Variants in PLXNA2 observed in about 807,000 individuals in gnomAD.
PLXNA2 encodes plexin-A2.
A neutral mutation model predicts 193.5 loss-of-function variants in PLXNA2; 91 were observed. The ratio of observed to expected loss-of-function variants is 0.47; its 90% CI spans 0.40 to 0.56. The LOEUF (loss-of-function observed/expected upper bound fraction) is 0.56. Ranked by LOEUF, PLXNA2 falls within the 20% of genes least tolerant of loss-of-function variation. The probability of loss-of-function intolerance (pLI) is 0.00; values close to 1 mark genes in which losing one functional copy is unlikely to be tolerated. For synonymous variants in PLXNA2, 997 were observed against 1,027.3 expected (o/e 0.97, Z 0.56); for missense variants, 1,995 against 2,503.2 (o/e 0.80, Z 4.33).
At chr1:208,055,405 C>T (rs138043374) in intron 13 of PLXNA2, among the ~76,000 whole-genome samples, 2,160 of 152,086 alleles carry the variant, frequency 0.014, 37 homozygotes, top group Middle Eastern at 0.061. Context: ...GGGTGGGCAG[C>T]TGAGGATGGG....
chr1:208,141,511 T>G (rs1668454497), intron 4 of PLXNA2, among the ~76,000 whole-genome samples: 1 of 152,190 alleles, frequency 6.6e-6, no homozygotes, highest in South Asian at 2.1e-4. Flanking sequence ...TCTTTGGCCT[T>G]TATTTTACTT....
chr1:208,143,770 G>T (rs560571894), intron 3 of PLXNA2, among the ~76,000 whole-genome samples: 1 of 151,788 alleles, frequency 6.6e-6, no homozygotes, highest in African/African-American at 2.4e-5. Flanking sequence ...ATAATCAATT[G>T]ATTTGTTCAT....
At chr1:208,110,550 A>G (rs1667430638) in intron 4 of PLXNA2, among the ~76,000 whole-genome samples, 1 of 152,248 alleles carries the variant, frequency 6.6e-6, no homozygotes, top group Non-Finnish European at 1.5e-5. Context: ...GCATGTATCC[A>G]GTATTTACCG....
chr1:208,113,477 C>T (rs1485392154), intron 4 of PLXNA2, among the ~76,000 whole-genome samples: 4 of 151,992 alleles, frequency 2.6e-5, no homozygotes, highest in African/African-American at 9.7e-5. Flanking sequence ...ACTTCCCTTG[C>T]CTTCCAGTCT....
At chr1:208,101,159 GC>G (rs1318923439) in intron 5 of PLXNA2, among the ~76,000 whole-genome samples, 2 of 152,206 alleles carry the variant, frequency 1.3e-5, no homozygotes. Flanking sequence ...ACTATTTATG[GC>G]AACAGCCCTA....
At chr1:208,191,033 G>C (rs562013245) in intron 3 of PLXNA2, among the ~76,000 whole-genome samples, 75 of 152,334 alleles carry the variant, frequency 4.9e-4, no homozygotes, top group African/African-American at 1.7e-3. Context: ...TATGAGCTAA[G>C]TGAGGCTAAA....
intron 4 of PLXNA2, among the ~76,000 whole-genome samples, chr1:208,126,299 C>T (rs1478748742): frequency 6.6e-6 from 1 of 152,074 alleles, no homozygotes; most frequent in Non-Finnish European, 1.5e-5. Flanking sequence ...TCTGGCTCCC[C>T]CATGAGGAAA....
intron 11 of PLXNA2, 104 bp from the exon 12 acceptor site, chr1:208,079,554 T>C: frequency 1.3e-6 from 1 of 786,190 alleles, no homozygotes; most frequent in South Asian, 1.8e-5. Context: ...TTCCCCACCA[T>C]GGATAACACC....
chr1:208,111,231 AT>A (rs991622667), intron 4 of PLXNA2, among the ~76,000 whole-genome samples: 5 of 151,976 alleles, frequency 3.3e-5, no homozygotes, highest in African/African-American at 1.2e-4. Context: ...ATTTAATTTA[AT>A]TTAATTTATT....
chr1:208,182,915 A>G (rs1217286195), intron 3 of PLXNA2, among the ~76,000 whole-genome samples: 1 of 152,158 alleles, frequency 6.6e-6, no homozygotes, highest in African/African-American at 2.4e-5. Context: ...AAGATCAGAA[A>G]AAGGAATAGC....
chr1:208,152,675 A>ACACATG (rs1553288557), intron 3 of PLXNA2, among the ~76,000 whole-genome samples: 1 of 114,726 alleles, frequency 8.7e-6, no homozygotes, highest in East Asian at 2.2e-4. Flanking sequence ...ACATACACAC[A>ACACATG]CACACACGCA....
At chr1:208,139,375 T>A (rs1442908180) in intron 4 of PLXNA2, among the ~76,000 whole-genome samples, 1 of 152,136 alleles carries the variant, frequency 6.6e-6, no homozygotes. Flanking sequence ...CCCTGCCCCC[T>A]CTTCATCACA....
At chr1:208,197,621 A>G (rs537385315) in intron 3 of PLXNA2, among the ~76,000 whole-genome samples, 3 of 152,196 alleles carry the variant, frequency 2.0e-5, no homozygotes, top group Admixed American at 6.5e-5. Flanking sequence ...TGGGCCCATC[A>G]GTAGGAGTTT....
intron 11 of PLXNA2, among the ~76,000 whole-genome samples, chr1:208,080,404 G>A (rs1666296236): frequency 6.6e-6 from 1 of 152,160 alleles, no homozygotes; most frequent in Non-Finnish European, 1.5e-5. Flanking sequence ...CAGGAACCTG[G>A]TCTTAGCTCC....
chr1:208,159,047 G>A (rs943803482), intron 3 of PLXNA2, among the ~76,000 whole-genome samples: 1 of 152,228 alleles, frequency 6.6e-6, no homozygotes, highest in African/African-American at 2.4e-5. Flanking sequence ...CCACAGGCTA[G>A]CTGGGCGATG....
chr1:208,086,079 T>C (rs1297792212), intron 9 of PLXNA2, among the ~76,000 whole-genome samples: 1 of 152,220 alleles, frequency 6.6e-6, no homozygotes, highest in Admixed American at 6.5e-5. Context: ...TGCACTGGCT[T>C]CAGGATGAGT....
At chr1:208,201,883 A>G (rs1235545635) in intron 3 of PLXNA2, among the ~76,000 whole-genome samples, 5 of 151,780 alleles carry the variant, frequency 3.3e-5, no homozygotes, top group Non-Finnish European at 7.4e-5. Flanking sequence ...TTTCCTTAGC[A>G]CTTATCACCC....
chr1:208,165,386 A>G (rs1226304772), intron 3 of PLXNA2, among the ~76,000 whole-genome samples: 1 of 152,112 alleles, frequency 6.6e-6, no homozygotes, highest in African/African-American at 2.4e-5. Flanking sequence ...TGAGGTGAGG[A>G]TTACTACCCC....
chr1:208,160,213 A>AC lies in PLXNA2; in HGVS notation c.1372-17751dup, dbSNP rs5780437. ...GTCCCTTCTTCCCTTCATTAGTACA[A>AC]CCCCCCCCGCCCAGAAGTAGAAAGG... On this transcript the variant is annotated intron_variant, in intron 3 of 31. Transcript: ENST00000367033. Among the ~76,000 whole-genome samples the AC allele has an allele frequency of 6.3e-3, 955 of 150,622 alleles. 12 individuals carry two copies. The highest frequency in any genetic ancestry group is 0.02 in the African/African-American group (818 of 40,928).
Sources: allele counts gnomAD v4.1 joint callset (sites outside exome capture counted in the v4.1 genomes callset), GRCh38; gene constraint gnomAD v4.1.1; transcripts MANE v1.5; gene names NCBI Gene and HGNC (gene_info 2026-07-23, HGNC 2026-07-21).